LITAF: variants seen among roughly 807,000 people sequenced by gnomAD.
LITAF encodes lipopolysaccharide-induced tumor necrosis factor-alpha factor.
LITAF carries 9 observed loss-of-function variants against 14.5 expected under a neutral mutation model. The observed-to-expected ratio is 0.62, with a 90% confidence interval of 0.37 to 1.08. The LOEUF (loss-of-function observed/expected upper bound fraction) is 1.08. LITAF is among the 50% of genes least tolerant of loss of function. The pLI is 0.01. For synonymous variants in LITAF, 98 were observed against 88.2 expected, an observed-to-expected ratio of 1.11 and a Z score of -0.62; for missense variants, 206 against 213.4, an observed-to-expected ratio of 0.97 and a Z score of 0.22.
rs1001485110 is a variant in LITAF at position 11,555,193 on chromosome 16, C to T, written c.220+1318G>A. On this transcript the variant is annotated intron_variant, in intron 2 of 3. Coordinates refer to ENST00000622633, the MANE Select transcript of LITAF (RefSeq NM_001136472.2). ...GACTACAGGTACAAGCCATCACACT[C>T]AGCTAATTTTATTTTCATAGAGACA... Among the ~76,000 whole-genome samples, 6 of 152,160 alleles carry T rather than the reference C, an allele frequency of 3.9e-5. No homozygotes were observed. In the South Asian group the frequency reaches 8.3e-4, roughly 21 times the overall value.
rs1038251435 is a variant in LITAF, at chr16:11,553,007, C to G, written c.377+526G>C. Among the ~76,000 whole-genome samples the G allele has an allele frequency of 3.3e-5, 5 of 151,952 alleles. No individual in the cohort carries two copies. The highest frequency in any genetic ancestry group is 7.4e-5 in the Non-Finnish European group (5 of 68,008). On this transcript the variant is annotated intron_variant, in intron 3 of 3. Coordinates refer to ENST00000622633, the MANE Select transcript of LITAF (RefSeq NM_001136472.2). The surrounding 1 kb of genome is among the most constrained non-coding windows in gnomAD (Gnocchi z 7.7). Reference sequence around the variant, plus strand: ...GTGCACACCTGTAATCCCAGCTACTCAGGAGGCTGAGGCAGGAGAATAGCT... The same window carrying G: ...GTGCACACCTGTAATCCCAGCTACTGAGGAGGCTGAGGCAGGAGAATAGCT...
chr16:11,600,528 G>A (rs765017361), upstream of LITAF, among the ~76,000 whole-genome samples: 9 of 152,190 alleles, frequency 5.9e-5, no homozygotes, highest in African/African-American at 1.9e-4. The surrounding 1 kb of genome is among the most constrained non-coding windows in gnomAD (Gnocchi z 4.1). Context: ...TTAAATTCTC[G>A]GACTGGATTG....
intron 1 of LITAF, among the ~76,000 whole-genome samples, chr16:11,557,362 G>T (rs1421365886): frequency 6.6e-6 from 1 of 151,966 alleles, no homozygotes; most frequent in Non-Finnish European, 1.5e-5. Flanking sequence ...TCACCTGGGG[G>T]CTGGTTACAG....
intron 2 of LITAF, among the ~76,000 whole-genome samples, chr16:11,554,587 G>T (rs976748410): frequency 6.6e-6 from 1 of 152,018 alleles, no homozygotes; most frequent in African/African-American, 2.4e-5. Context: ...GAGGTCAGGA[G>T]TTCAAGACCA....
chr16:11,607,676 T>C (rs982642438), intron 3 of LITAF, among the ~76,000 whole-genome samples: 11 of 151,838 alleles, frequency 7.2e-5, no homozygotes, highest in African/African-American at 2.7e-4. Context: ...GGGTTGTGAA[T>C]GCAAAAAAAA....
intron 1 of LITAF, among the ~76,000 whole-genome samples, chr16:11,567,185 C>T (rs1368137067): frequency 1.3e-5 from 2 of 151,832 alleles, no homozygotes; most frequent in South Asian, 2.1e-4. Context: ...TTTGGGAGGC[C>T]GAGGCAGGCG....
intron 1 of LITAF, chr16:11,598,365 C>G (rs1035025368): frequency 6.6e-6 from 1 of 150,842 alleles, no homozygotes; most frequent in Non-Finnish European, 1.5e-5. Context: ...ACCTCCTTGT[C>G]TAGGGTTTTC....
chr16:11,636,542 C>T (rs146933482), upstream of LITAF, among the ~76,000 whole-genome samples: 191 of 152,358 alleles, frequency 1.3e-3, no homozygotes, highest in African/African-American at 4.4e-3. Flanking sequence ...AAGAAGCTGG[C>T]TGCCCCACCC....
chr16:11,611,725 C>T (rs2064983196), intron 3 of LITAF, among the ~76,000 whole-genome samples: 1 of 150,528 alleles, frequency 6.6e-6, no homozygotes, highest in Admixed American at 6.7e-5. Flanking sequence ...TGCAGTGGTG[C>T]GATCTCGCCT....
At chr16:11,563,250 G>A (rs1263268744) in intron 1 of LITAF, among the ~76,000 whole-genome samples, 1 of 152,046 alleles carries the variant, frequency 6.6e-6, no homozygotes, top group Admixed American at 6.5e-5. Context: ...CCAGGCTCAA[G>A]CAATTCTCGT....
chr16:11,591,286 C>T (rs1455656748), upstream of LITAF, among the ~76,000 whole-genome samples: 4 of 115,684 alleles, frequency 3.5e-5, 1 homozygote, highest in Non-Finnish European at 3.4e-5. Context: ...TGGGCTCAAG[C>T]GATCCCTCCC....
chr16:11,638,065 T>A (rs1297586376), upstream of LITAF, among the ~76,000 whole-genome samples: 1 of 133,282 alleles, frequency 7.5e-6, no homozygotes, highest in Admixed American at 8.2e-5. Context: ...TATATATATA[T>A]CTATATATAT....
chr16:11,630,156 T>A (rs908925919), intron 3 of LITAF, among the ~76,000 whole-genome samples: 2 of 151,920 alleles, frequency 1.3e-5, no homozygotes, highest in Non-Finnish European at 2.9e-5. Context: ...CCCCTGGCGT[T>A]GGGGGGGCTC....
chr16:11,578,811 C>T (rs1054662811), intron 1 of LITAF, among the ~76,000 whole-genome samples: 2 of 152,198 alleles, frequency 1.3e-5, no homozygotes, highest in African/African-American at 4.8e-5. Context: ...AATCCCTCAT[C>T]TTCAAAAAGT....
At chr16:11,610,318 C>G (rs531644134) in intron 3 of LITAF, among the ~76,000 whole-genome samples, 2 of 152,162 alleles carry the variant, frequency 1.3e-5, no homozygotes, top group African/African-American at 2.4e-5. Flanking sequence ...CAAGAATGTC[C>G]GGCAAGGGGT....
chr16:11,550,550 T>A (rs1196974483), intron 3 of LITAF, among the ~76,000 whole-genome samples: 2 of 152,200 alleles, frequency 1.3e-5, no homozygotes, highest in Non-Finnish European at 2.9e-5. Flanking sequence ...CCCCTTTGAG[T>A]ATTATTTTCA....
At chr16:11,574,760 C>A (rs1233525704) in intron 1 of LITAF, among the ~76,000 whole-genome samples, 1 of 151,690 alleles carries the variant, frequency 6.6e-6, no homozygotes, top group Non-Finnish European at 1.5e-5. Context: ...CTATATCAAC[C>A]CCAAAATTTG....
chr16:11,575,712 G>A (rs62024270), intron 1 of LITAF: 37,809 of 151,842 alleles, frequency 0.25, 5,915 homozygotes, highest in Non-Finnish European at 0.35. Flanking sequence ...AAGGTCTCAC[G>A]GCCCACGGCC....
At chr16:11,561,274 C>T (rs62022856) in intron 1 of LITAF, 11,607 of 152,240 alleles carry the variant, frequency 0.076, 581 homozygotes, top group Non-Finnish European at 0.11. Flanking sequence ...TGGCTGAATT[C>T]GGCAGCGGCG....
Sources: allele counts gnomAD v4.1 joint callset (sites outside exome capture counted in the v4.1 genomes callset), GRCh38; gene constraint gnomAD v4.1.1; non-coding constraint Gnocchi (gnomAD v3.1); transcripts MANE v1.5; gene names NCBI Gene and HGNC (gene_info 2026-07-23, HGNC 2026-07-21).